PIK3C2G: variants seen among roughly 807,000 people sequenced by gnomAD.
PIK3C2G encodes phosphatidylinositol 3-kinase C2 domain-containing subunit gamma.
A neutral mutation model predicts 181.1 loss-of-function variants in PIK3C2G; 168 were observed. That is an observed-to-expected ratio of 0.93 (90% CI 0.82 to 1.05). The LOEUF is 1.05. Among genes scored for constraint, PIK3C2G ranks in the 50% least tolerant of loss-of-function variants. The pLI is 0.00. For missense variants in PIK3C2G, 1,869 were observed against 1,732.8 expected (o/e 1.08, Z -1.40); for synonymous variants, 573 against 592.2 (o/e 0.97, Z 0.47).
chr12:18,531,666 CA>C (rs1278077868), intron 24 of PIK3C2G, among the ~76,000 whole-genome samples: 4 of 152,164 alleles, frequency 2.6e-5, no homozygotes, highest in Admixed American at 6.5e-5. Context: ...TCTTTTCACA[CA>C]AAATAATTCT....
intron 1 of PIK3C2G, among the ~76,000 whole-genome samples, chr12:18,270,161 C>T (rs758573134): frequency 6.6e-6 from 1 of 152,074 alleles, no homozygotes; most frequent in Non-Finnish European, 1.5e-5. Flanking sequence ...CCACCCACCT[C>T]AGCCTCCCAA....
At chr12:18,293,084 C>T (rs538528163) in intron 4 of PIK3C2G, among the ~76,000 whole-genome samples, 50 of 152,120 alleles carry the variant, frequency 3.3e-4, no homozygotes, top group African/African-American at 5.8e-4. Context: ...GTAATTGCTC[C>T]GTAAAATATA....
chr12:18,633,526 T>C (rs1949449518), intron 31 of PIK3C2G, among the ~76,000 whole-genome samples: 1 of 152,322 alleles, frequency 6.6e-6, no homozygotes, highest in Non-Finnish European at 1.5e-5. Flanking sequence ...AAGACGGGTC[T>C]GGGCCGTTAG....
chr12:18,587,968 C>G (rs760562944), intron 29 of PIK3C2G, among the ~76,000 whole-genome samples: 4 of 151,730 alleles, frequency 2.6e-5, no homozygotes, highest in African/African-American at 4.8e-5. Flanking sequence ...TATAGCCAAC[C>G]GTTTTTTGAC....
the PIK3C2G span, among the ~76,000 whole-genome samples, chr12:18,719,122 C>G: frequency 3.9e-5 from 6 of 152,146 alleles, no homozygotes; most frequent in African/African-American, 1.4e-4. Flanking sequence ...GAGTCTTCTT[C>G]ATATGCTTTC....
chr12:18,276,648 C>T (rs1315929039), intron 1 of PIK3C2G, among the ~76,000 whole-genome samples: 1 of 152,006 alleles, frequency 6.6e-6, no homozygotes, highest in African/African-American at 2.4e-5. Context: ...AAAGTTATTC[C>T]TATATTGTAC....
At chr12:18,719,431 C>G in the PIK3C2G span, 3 of 1,454,060 alleles carry the variant, frequency 2.1e-6, no homozygotes, top group Non-Finnish European at 2.8e-6. Context: ...AAATAAATAC[C>G]TTACATATCC....
chr12:18,642,004 C>G (rs903245930), intron 32 of PIK3C2G, among the ~76,000 whole-genome samples: 3 of 152,176 alleles, frequency 2.0e-5, no homozygotes, highest in Non-Finnish European at 4.4e-5. Flanking sequence ...CCGCCTCAGC[C>G]TCCCAAAATG....
chr12:18,479,252 G>A (rs1485017488), intron 18 of PIK3C2G, among the ~76,000 whole-genome samples: 1 of 152,044 alleles, frequency 6.6e-6, no homozygotes, highest in Admixed American at 6.6e-5. Flanking sequence ...AAGAGAAAAA[G>A]ATTAAAGGAA....
intron 11 of PIK3C2G, among the ~76,000 whole-genome samples, chr12:18,359,644 A>G (rs12582985): frequency 0.15 from 22,707 of 152,002 alleles, 2,155 homozygotes; most frequent in Admixed American, 0.27. Flanking sequence ...CGTTGGGTAC[A>G]GATATATTTA....
At chr12:18,686,992 A>C in the PIK3C2G span, among the ~76,000 whole-genome samples, 1 of 152,040 alleles carries the variant, frequency 6.6e-6, no homozygotes, top group African/African-American at 2.4e-5. Flanking sequence ...ATGAAGATTC[A>C]AGTAGAGGAT....
chr12:18,409,420 A>G (rs542366387), intron 16 of PIK3C2G, among the ~76,000 whole-genome samples: 68 of 152,208 alleles, frequency 4.5e-4, no homozygotes, highest in African/African-American at 1.5e-3. Context: ...TAGGGGAGGG[A>G]TAGCATTAGG....
chr12:18,566,324 T>C (rs1945631742), intron 28 of PIK3C2G, among the ~76,000 whole-genome samples: 1 of 152,150 alleles, frequency 6.6e-6, no homozygotes, highest in Non-Finnish European at 1.5e-5. Flanking sequence ...AGGTAGTTCC[T>C]AAAAGGGTAT....
chr12:18,422,938 T>C (rs538092182), intron 17 of PIK3C2G, among the ~76,000 whole-genome samples: 1 of 152,194 alleles, frequency 6.6e-6, no homozygotes, highest in African/African-American at 2.4e-5. Flanking sequence ...TCAGACAGCA[T>C]CAGGAGTTTA....
chr12:18,603,917 C>A (rs542922011), intron 30 of PIK3C2G, among the ~76,000 whole-genome samples: 1 of 152,068 alleles, frequency 6.6e-6, no homozygotes, highest in African/African-American at 2.4e-5. Context: ...AAAAGAATCT[C>A]TTTAAAGCAT....
chr12:18,710,269 T>C, the PIK3C2G span, among the ~76,000 whole-genome samples: 1 of 151,076 alleles, frequency 6.6e-6, no homozygotes, highest in South Asian at 2.1e-4. Context: ...CTATTTTTTT[T>C]AATTCATTTT....
At chr12:18,546,686 C>A (rs373336500) in intron 26 of PIK3C2G, among the ~76,000 whole-genome samples, 1 of 151,960 alleles carries the variant, frequency 6.6e-6, no homozygotes, top group Non-Finnish European at 1.5e-5. Flanking sequence ...AATAAGAGGT[C>A]ATTGAAAAGA....
intron 18 of PIK3C2G, among the ~76,000 whole-genome samples, chr12:18,458,268 G>A (rs191454427): frequency 6.0e-4 from 92 of 152,222 alleles, no homozygotes; most frequent in Non-Finnish European, 1.1e-3. Flanking sequence ...AAATGTTAGT[G>A]TGAAGCAATA....
chr12:18,426,972 T>C (rs954060314), intron 18 of PIK3C2G, among the ~76,000 whole-genome samples: 14 of 152,138 alleles, frequency 9.2e-5, no homozygotes, highest in Admixed American at 8.5e-4. Flanking sequence ...TTTTCTTCAG[T>C]TTTTCAGAAA....
Sources: allele counts gnomAD v4.1 joint callset (sites outside exome capture counted in the v4.1 genomes callset), GRCh38; gene constraint gnomAD v4.1.1; transcripts MANE v1.5; gene names NCBI Gene and HGNC (gene_info 2026-07-23, HGNC 2026-07-21).